The following SLC17A7 variants were observed in gnomAD, a reference collection of about 807,000 sequenced individuals.
The protein encoded by SLC17A7 is vesicular glutamate transporter 1.
Under a neutral mutation model 59.1 loss-of-function variants are expected in SLC17A7, and 15 were observed. The ratio of observed to expected loss-of-function variants is 0.25; its 90% confidence interval spans 0.17 to 0.39. The LOEUF (loss-of-function observed/expected upper bound fraction) is 0.39, where lower values mean the gene tolerates loss of function less well. Ranked by LOEUF, SLC17A7 falls within the 10% of genes least tolerant of loss-of-function variation. SLC17A7 has a pLI of 1.00. For synonymous variants in SLC17A7, 353 were observed against 308.9 expected (o/e 1.14, Z -1.50); for missense variants, 499 against 765.1 (o/e 0.65, Z 4.10).
chr19:49,438,912 G>A (rs2078989680), intron 1 of SLC17A7, among the ~76,000 whole-genome samples: 1 of 152,112 alleles, frequency 6.6e-6, no homozygotes, highest in Non-Finnish European at 1.5e-5. Context: ...TCTATAAAAT[G>A]GGACAAGGGC....
chr19:49,431,363 C>T lies in SLC17A7; in HGVS notation c.1236G>A (p.Val412=). ...GVAISFLVLA[V]GFSGFAISGF... ...CAGAGATGGCGAAGCCGCTGAAGCC[C>T]ACGGCTAGGACCAGGAAGGAGATGG... Residue 412 remains valine (V), a synonymous_variant, in exon 10 of 12, where the codon GTG becomes GTA. Coordinates refer to ENST00000221485, the MANE Select transcript of SLC17A7 (RefSeq NM_020309.4). This position sits in a 1 kb window ranked among gnomAD's most constrained non-coding sequence, Gnocchi z 4.6. 1 of 1,614,172 alleles carries T rather than the reference C, an allele frequency of 6.2e-7. No individual in the cohort carries two copies. The highest frequency in any genetic ancestry group is 8.5e-7 in the Non-Finnish European group (1 of 1,180,006).
At position 49,430,635 on chromosome 19, in the gene SLC17A7, C is replaced by T. The variant is rs150211751; in HGVS notation, c.1567G>A (p.Glu523Lys). The change falls in exon 12 of 12, where the codon GAA becomes AAA. Residue 523 changes from glutamate (E) to lysine (K), a missense_variant. Around this residue, in one of 3 missense-constraint regions of SLC17A7, gnomAD observed 98 missense variants for 77.5 expected, o/e 1.27. Transcript: ENST00000221485. ...GGGGGCTCAGCCTCATCCTCCATTT[C>T]GCTGTCGTCACTGCCAGCCAGCTGG... is the stretch of plus-strand genomic sequence containing the variant. ...HDQLAGSDDS[E>K]MEDEAEPPGA... The T allele has an allele frequency of 2.5e-6, 4 of 1,613,958 alleles. No individual in the cohort carries two copies. Among genetic ancestry groups the T allele is most frequent in the East Asian group, 2.2e-5 (1 of 44,892 alleles).
Position 49,433,278 on chromosome 19 carries a change from G to A in SLC17A7, c.868-318C>T. 2.5e-6 allele frequency: 1 copy of A among 407,800 alleles called. No homozygotes were observed. Among genetic ancestry groups the A allele is most frequent in the Non-Finnish European group, 4.4e-6 (1 of 225,070 alleles). The allele number at this position is 407,800 out of a possible 1,614,324, so 25.3% of individuals were successfully genotyped here. On this transcript the variant is annotated intron_variant, in intron 7 of 11. Coordinates refer to ENST00000221485, the MANE Select transcript of SLC17A7 (RefSeq NM_020309.4). This position sits in a 1 kb window ranked among gnomAD's most constrained non-coding sequence, Gnocchi z 5.7. ...CTTTTTGTATTTTGTATTTTGAGTA[G>A]AGACGGGGGTTTCGCCATGTTGCCC...
intron 5 of SLC17A7, 30 bp from the exon 6 acceptor site, chr19:49,434,076 G>A (rs2078971267): frequency 2.1e-6 from 3 of 1,444,838 alleles, no homozygotes; most frequent in South Asian, 2.3e-5. Context: ...GGAGAGAACA[G>A]GCCCATCTTC....
At position 49,433,093 on chromosome 19, in the gene SLC17A7, A is replaced by G; in HGVS notation, c.868-133T>C. 1.1e-6 allele frequency: 1 copy of G among 951,248 alleles called. No individual in the cohort carries two copies. 58.9% of individuals were successfully genotyped at this position (951,248 alleles called of 1,614,324 possible). Reference sequence around the variant, plus strand: ...CGCACTGAAACTTCTATGGACCCAAAGGCGCGGGCTACACCATGTTGCCGT... The same window carrying G: ...CGCACTGAAACTTCTATGGACCCAAGGGCGCGGGCTACACCATGTTGCCGT... On this transcript the variant is annotated intron_variant, in intron 7 of 11. Coordinates refer to ENST00000221485, the MANE Select transcript of SLC17A7 (RefSeq NM_020309.4). The surrounding 1 kb of genome is among the most constrained non-coding windows in gnomAD (Gnocchi z 5.7).
Position 49,441,444 on chromosome 19 carries a change from C to T in SLC17A7, c.-65G>A. ...CCGCCGATCCCCCCGCCCGCGGGCCCGGGCGGCCGCGTCCGGGTTCCCGGG... is the reference window on the plus strand; with the variant it reads ...CCGCCGATCCCCCCGCCCGCGGGCCTGGGCGGCCGCGTCCGGGTTCCCGGG... On this transcript the variant is annotated 5_prime_UTR_variant, in exon 1 of 12. Transcript: ENST00000221485. 4 of 1,268,044 alleles carry T rather than the reference C, an allele frequency of 3.2e-6. No individual in the cohort carries two copies. The highest frequency in any genetic ancestry group is 4.0e-5 in the East Asian group (1 of 25,116). 78.5% of individuals were successfully genotyped at this position (1,268,044 alleles called of 1,614,324 possible).
Position 49,433,528 on chromosome 19 carries a change from C to G in SLC17A7, c.867+198G>C, listed in dbSNP as rs3745308. The G allele has an allele frequency of 0.053, 39,665 of 744,346 alleles. 2,317 individuals carry two copies. The highest frequency in any genetic ancestry group is 0.19 in the African/African-American group (10,948 of 57,958). 46.1% of individuals were successfully genotyped at this position (744,346 alleles called of 1,614,324 possible). ...CAGTGGTTCTAATCCTGCTCAACTCCCGACCTAACCCTGCCCCCAGCACCT... is the reference window on the plus strand; with the variant it reads ...CAGTGGTTCTAATCCTGCTCAACTCGCGACCTAACCCTGCCCCCAGCACCT... On this transcript the variant is annotated intron_variant, in intron 7 of 11. Coordinates refer to ENST00000221485, the MANE Select transcript of SLC17A7 (RefSeq NM_020309.4). This position sits in a 1 kb window ranked among gnomAD's most constrained non-coding sequence, Gnocchi z 5.7.
At position 49,430,564 on chromosome 19, in the gene SLC17A7, G is replaced by A; in HGVS notation, c.1638C>T (p.Ser546=). 1 of 1,607,522 alleles carries A rather than the reference G, an allele frequency of 6.2e-7. No homozygotes were observed. The highest frequency in any genetic ancestry group is 8.5e-7 in the Non-Finnish European group (1 of 1,176,280). Residue 546 remains serine (S), a synonymous_variant, in exon 12 of 12, where the codon AGC becomes AGT. Coordinates refer to ENST00000221485, the MANE Select transcript of SLC17A7 (RefSeq NM_020309.4). ...GTGGGGGCCTGGGGGGCTGAAATGT[G>A]CTGTGTGTGGCCCCATAGGAGGGCG... ...APPPSYGATH[S]TFQPPRPPPP... is the part of the protein sequence containing the mutation.
chr19:49,434,982 C>T (rs1389048797), intron 3 of SLC17A7, 100 bp from the exon 4 acceptor site: 1 of 1,197,880 alleles, frequency 8.3e-7, no homozygotes, highest in East Asian at 2.3e-5. Flanking sequence ...GTCCCCGGGA[C>T]CCCAGGTCCC....
rs897832018 is a variant in SLC17A7 at position 49,436,876 on chromosome 19, G to C, written c.63-75C>G. ...CTCACCCCCAAGACCAGGATCCAGGGCAAAACCTGCTTTTCAACATCCAGA... is the reference window on the plus strand; with the variant it reads ...CTCACCCCCAAGACCAGGATCCAGGCCAAAACCTGCTTTTCAACATCCAGA... On this transcript the variant is annotated intron_variant, in intron 1 of 11. Transcript: ENST00000221485. This position sits in a 1 kb window ranked among gnomAD's most constrained non-coding sequence, Gnocchi z 4.1. The C allele has an allele frequency of 2.3e-5, 35 of 1,513,730 alleles. No homozygotes were observed. The highest frequency in any genetic ancestry group is 4.2e-5 in the Admixed American group (2 of 47,784). 93.8% of individuals were successfully genotyped at this position (1,513,730 alleles called of 1,614,324 possible). A position where few individuals can be genotyped will look rare whatever the true frequency, so the allele number is the denominator to read the frequency against.
rs1308277660 is a variant in SLC17A7, at chr19:49,434,926, T to A, written c.435-44A>T. 9 of 1,577,144 alleles carry A rather than the reference T, an allele frequency of 5.7e-6. No individual in the cohort carries two copies. The East Asian group carries it at 1.6e-4, about 28-fold the overall frequency. ...GAAAAGAATCCAAGCTATCCAGCCA[T>A]GCCCGGGATTCTGCCTTTCCCGCCC... On this transcript the variant is annotated intron_variant, in intron 3 of 11. Coordinates refer to ENST00000221485, the MANE Select transcript of SLC17A7 (RefSeq NM_020309.4).
rs939124599 is a variant in SLC17A7, at chr19:49,430,358, A to G, written c.*161T>C. Reference sequence around the variant, plus strand: ...GCAGCTTCACTACCCCTGAGAGGCAATTGGGAAGGAAAGAGGATTTGACAG... The same window carrying G: ...GCAGCTTCACTACCCCTGAGAGGCAGTTGGGAAGGAAAGAGGATTTGACAG... On this transcript the variant is annotated 3_prime_UTR_variant, in exon 12 of 12. Coordinates refer to ENST00000221485, the MANE Select transcript of SLC17A7 (RefSeq NM_020309.4). The G allele has an allele frequency of 3.8e-5, 21 of 550,766 alleles. No individual in the cohort carries two copies. The highest frequency in any genetic ancestry group is 5.8e-5 in the African/African-American group (3 of 51,774). The allele number at this position is 550,766 out of a possible 1,614,324, so 34.1% of individuals were successfully genotyped here. A position where few individuals can be genotyped will look rare whatever the true frequency, so the allele number is the denominator to read the frequency against.
intron 1 of SLC17A7, among the ~76,000 whole-genome samples, chr19:49,438,830 T>C (rs2078989369): frequency 6.6e-6 from 1 of 152,158 alleles, no homozygotes; most frequent in Non-Finnish European, 1.5e-5. Flanking sequence ...TGATGTGAGA[T>C]TCCTTGTTAA....
At chr19:49,432,787 C>T (rs1279550606) in intron 8 of SLC17A7, 24 bp downstream of exon 8, 1 of 1,587,382 alleles carries the variant, frequency 6.3e-7, no homozygotes. Context: ...CCGCGCCCCC[C>T]TGCCCTCTCC....
In SLC17A7 at chr19:49,432,880, C is replaced by G; in HGVS notation, c.948G>C (p.Trp316Cys). The G allele has an allele frequency of 1.9e-6, 3 of 1,598,362 alleles. No individual in the cohort carries two copies. Among genetic ancestry groups the G allele is most frequent in the Non-Finnish European group, 2.6e-6 (3 of 1,172,474 alleles). The part of the protein sequence containing the change: ...AIIVANFCRS[W>C]TFYLLLISQP... Reference sequence around the variant, plus strand: ...GGGAGATGAGCAGCAGGTAGAACGTCCAGCTGCGGCAGAAGTTGGCCACGA... The same window carrying G: ...GGGAGATGAGCAGCAGGTAGAACGTGCAGCTGCGGCAGAAGTTGGCCACGA... The change falls in exon 8 of 12, where the codon TGG becomes TGC. Residue 316 changes from tryptophan to cysteine, a missense_variant. Physicochemically the swap from Trp to Cys is radical, Grantham distance 215. Transcript: ENST00000221485.
Position 49,436,446 on chromosome 19 carries a change from G to T in SLC17A7, c.315+103C>A. On this transcript the variant is annotated intron_variant, in intron 2 of 11. Coordinates refer to ENST00000221485, the MANE Select transcript of SLC17A7 (RefSeq NM_020309.4). The surrounding 1 kb of genome is among the most constrained non-coding windows in gnomAD (Gnocchi z 4.1). ...AGCTATTCCGACAGCGTTTCGGAAG[G>T]GGCGTGGCCTGGACGTCTGGTGGGT... is the stretch of plus-strand genomic sequence containing the variant. 3.4e-6 allele frequency: 5 copies of T among 1,458,860 alleles called. No individual in the cohort carries two copies. Among genetic ancestry groups the T allele is most frequent in the Non-Finnish European group, 4.6e-6 (5 of 1,078,212 alleles). 90.4% of individuals were successfully genotyped at this position (1,458,860 alleles called of 1,614,324 possible). A position where few individuals can be genotyped will look rare whatever the true frequency, so the allele number is the denominator to read the frequency against.
Position 49,431,457 on chromosome 19 carries a change from G to GC in SLC17A7, c.1151-10dup. On this transcript the variant is annotated splice_polypyrimidine_tract_variant and intron_variant, in intron 9 of 11. Transcript: ENST00000221485. This position sits in a 1 kb window ranked among gnomAD's most constrained non-coding sequence, Gnocchi z 4.6. ...GGCTTCCATGCCGAAGCCTACGGGG[G>GC]CGGGGGGGGCCCGCGTCTCCTGAGT... The GC allele has an allele frequency of 6.2e-7, 1 of 1,611,790 alleles. No homozygotes were observed. Among genetic ancestry groups the GC allele is most frequent in the Non-Finnish European group, 8.5e-7 (1 of 1,178,820 alleles).
chr19:49,435,256 C>T lies in SLC17A7; in HGVS notation c.346G>A (p.Val116Ile), dbSNP rs772884036. 1 of 1,614,102 alleles carries T rather than the reference C, an allele frequency of 6.2e-7. No individual in the cohort carries two copies. Among genetic ancestry groups the T allele is most frequent in the East Asian group, 2.2e-5 (1 of 44,884 alleles). Residue 116 changes from valine (V) to isoleucine (I), a missense_variant, in exon 3 of 12, where the codon GTC (valine) becomes ATC (isoleucine). Val to Ile is a conservative substitution (Grantham distance 29, BLOSUM62 3). Around this residue, in one of 3 missense-constraint regions of SLC17A7, gnomAD observed 323 missense variants for 607.2 expected, o/e 0.53. Coordinates refer to ENST00000221485, the MANE Select transcript of SLC17A7 (RefSeq NM_020309.4). ...KAQFSWDPET[V>I]GLIHGSFFWG... Reference sequence around the variant, plus strand: ...AAAAAGGAGCCGTGTATGAGGCCGACAGTCTCTGGATCCCAGCTGAACTGG... The same window carrying T: ...AAAAAGGAGCCGTGTATGAGGCCGATAGTCTCTGGATCCCAGCTGAACTGG...
Position 49,435,159 on chromosome 19 carries a change from C to A in SLC17A7, c.434+9G>T, listed in dbSNP as rs750435608. 1 of 1,599,258 alleles carries A rather than the reference C, an allele frequency of 6.3e-7. No homozygotes were observed. Among genetic ancestry groups the A allele is most frequent in the Admixed American group, 1.7e-5 (1 of 60,000 alleles). ...AGTTACCGCCCACTTTGAGACCCCA[C>A]CACTGTACCTGTTGGCTGCAAATTT... On this transcript the variant is annotated intron_variant, in intron 3 of 11. Transcript: ENST00000221485.
Sources: allele counts gnomAD v4.1 joint callset (sites outside exome capture counted in the v4.1 genomes callset), GRCh38; gene constraint gnomAD v4.1.1; regional missense constraint gnomAD v4.1.1; non-coding constraint Gnocchi (gnomAD v3.1); transcripts MANE v1.5; gene names NCBI Gene and HGNC (gene_info 2026-07-23, HGNC 2026-07-21).